Variants in CRYBG3 observed in about 807,000 individuals in gnomAD.
CRYBG3 encodes the protein very large A-kinase anchor protein.
A neutral mutation model predicts 244.2 loss-of-function variants in CRYBG3; 127 were observed. That is an observed-to-expected ratio of 0.52 (90% CI 0.45 to 0.60). The LOEUF is 0.60. Among genes scored for constraint, CRYBG3 ranks in the 20% least tolerant of loss-of-function variants. CRYBG3 has a pLI of 0.00. For missense variants in CRYBG3, 3,325 were observed against 3,442.5 expected, an observed-to-expected ratio of 0.97 and a Z score of 0.85; for synonymous variants, 1,132 against 1,195.8, an observed-to-expected ratio of 0.95 and a Z score of 1.10.
At chr3:97,924,084 T>C (rs969779638) in intron 17 of CRYBG3, 2 of 235,980 alleles carry the variant, frequency 8.5e-6, no homozygotes, top group African/African-American at 4.7e-5. Flanking sequence ...TGGGAATCAG[T>C]ACAAGGAGAG....
intron 7 of CRYBG3, among the ~76,000 whole-genome samples, chr3:97,883,644 T>C (rs577414629): frequency 6.6e-6 from 1 of 152,332 alleles, no homozygotes; most frequent in South Asian, 2.1e-4. Flanking sequence ...CGGAATCATT[T>C]TTTTTTTAGT....
At chr3:97,934,039 A>G (rs2040131886) in intron 18 of CRYBG3, among the ~76,000 whole-genome samples, 1 of 152,120 alleles carries the variant, frequency 6.6e-6, no homozygotes, top group South Asian at 2.1e-4. Context: ...CTTTCTTTTC[A>G]GAAGAAATTT....
At position 97,876,384 on chromosome 3, in the gene CRYBG3, A is replaced by G; in HGVS notation, c.5190A>G (p.Glu1730=). The G allele has an allele frequency of 8.1e-7, 1 of 1,232,162 alleles. No individual in the cohort carries two copies. The highest frequency in any genetic ancestry group is 1.0e-6 in the Non-Finnish European group (1 of 987,992). 76.3% of individuals were successfully genotyped at this position (1,232,162 alleles called of 1,614,324 possible). The change falls in exon 4 of 22, where the codon GAA becomes GAG. Residue 1730 remains glutamate (E), a synonymous_variant. Coordinates refer to ENST00000389622, the MANE Select transcript of CRYBG3 (RefSeq NM_153605.4). ...CTGAAGGGGATATTGGAAAGGCTGA[A>G]GTGATGCCTGTGAGGTTAGAAATGG... ...KDAEGDIGKA[E]VMPVRLEMEN...
rs1478088731 is a variant in CRYBG3, at chr3:97,943,930, A to AT, written c.*620dup. 2.0e-5 allele frequency: 3 copies of AT among 151,938 alleles called. No homozygotes were observed. Among genetic ancestry groups the AT allele is most frequent in the Non-Finnish European group, 4.4e-5 (3 of 67,930 alleles). The allele number at this position is 151,938 out of a possible 1,614,324, so 9.4% of individuals were successfully genotyped here. On this transcript the variant is annotated 3_prime_UTR_variant, in exon 22 of 22. Transcript: ENST00000389622. ...TTGTTAGGAATAAGGCACAAGAAGT[A>AT]TTTTCTGTAGCTATTGTTTCCTCAG... is the stretch of plus-strand genomic sequence containing the variant.
chr3:97,922,663 A>G (rs1332486804), intron 17 of CRYBG3, among the ~76,000 whole-genome samples: 7 of 152,066 alleles, frequency 4.6e-5, no homozygotes, highest in Non-Finnish European at 1.0e-4. Context: ...AGTTAGAATG[A>G]CGATCATTAA....
At chr3:97,927,597 G>A (rs1260051882) in intron 17 of CRYBG3, among the ~76,000 whole-genome samples, 1 of 152,046 alleles carries the variant, frequency 6.6e-6, no homozygotes, top group Non-Finnish European at 1.5e-5. Flanking sequence ...CTTCTGCACA[G>A]CAAAAGAAAC....
intron 7 of CRYBG3, among the ~76,000 whole-genome samples, chr3:97,882,626 C>T (rs1331523233): frequency 6.6e-6 from 1 of 152,094 alleles, no homozygotes; most frequent in African/African-American, 2.4e-5. Flanking sequence ...TGATACAGTA[C>T]AGTTACTCAT....
chr3:97,858,165 GTT>G lies in CRYBG3; in HGVS notation c.217-6038_217-6037del, dbSNP rs71113873. Among the ~76,000 whole-genome samples the G allele has an allele frequency of 3.1e-3, 439 of 139,808 alleles. 9 individuals are homozygous for G. In the East Asian group the frequency reaches 0.061, roughly 19 times the overall value. 91.7% of individuals were successfully genotyped at this position (139,808 alleles called of 152,430 possible). On this transcript the variant is annotated intron_variant, in intron 2 of 21. Transcript: ENST00000389622. ...CTTTGCTGGGTATGTTTTTAGTTGA[GTT>G]TTTTTTTTTTTTTCTTTCGGCAACT...
At position 97,944,302 on chromosome 3, in the gene CRYBG3, C is replaced by T. The variant is rs2040301580; in HGVS notation, c.*988C>T. Reference sequence around the variant, plus strand: ...TAAGTAAAATCAGGTAGGAAATCACCTTTGACTTAGCTTCCAGTAGTCATT... The same window carrying T: ...TAAGTAAAATCAGGTAGGAAATCACTTTTGACTTAGCTTCCAGTAGTCATT... On this transcript the variant is annotated 3_prime_UTR_variant, in exon 22 of 22. Transcript: ENST00000389622. 1 of 152,018 alleles carries T rather than the reference C, an allele frequency of 6.6e-6. No individual in the cohort carries two copies. The highest frequency in any genetic ancestry group is 1.5e-5 in the Non-Finnish European group (1 of 67,890). 9.4% of individuals were successfully genotyped at this position (152,018 alleles called of 1,614,324 possible).
At position 97,899,148 on chromosome 3, in the gene CRYBG3, A is replaced by G. The variant is rs2039674872; in HGVS notation, c.7856A>G (p.Tyr2619Cys). The G allele has an allele frequency of 3.7e-6, 6 of 1,609,994 alleles. No individual in the cohort carries two copies. The highest frequency in any genetic ancestry group is 1.3e-5 in the African/African-American group (1 of 74,626). Reference sequence around the variant, plus strand: ...TTTTTCCCTACTAGATGGGTTGCCTACCAGCAAAAGTTCTTCTGTGGAGAA... The same window carrying G: ...TTTTTCCCTACTAGATGGGTTGCCTGCCAGCAAAAGTTCTTCTGTGGAGAA... ...IHVKSGVWVA[Y>C]QQKFFCGEQY... Residue 2619 changes from tyrosine to cysteine, a missense_variant, in exon 14 of 22, where the codon TAC becomes TGC. Around this residue, in one of 4 missense-constraint regions of CRYBG3, gnomAD observed 714 missense variants for 803.6 expected, o/e 0.89. Transcript: ENST00000389622.
chr3:97,826,895 CT>C (rs2038584892), intron 1 of CRYBG3, among the ~76,000 whole-genome samples: 1 of 152,242 alleles, frequency 6.6e-6, no homozygotes, highest in Admixed American at 6.5e-5. Context: ...TCAGAGCATA[CT>C]TAATGTTTCA....
chr3:97,901,421 T>A (rs1559738154), intron 15 of CRYBG3, among the ~76,000 whole-genome samples: 1 of 152,238 alleles, frequency 6.6e-6, no homozygotes, highest in Non-Finnish European at 1.5e-5. Context: ...TTCATATTCA[T>A]GTCAGTGTTT....
chr3:97,924,460 G>A (rs1318902276), intron 17 of CRYBG3: 2 of 438,238 alleles, frequency 4.6e-6, no homozygotes, highest in East Asian at 7.2e-5. Context: ...ACAAATTACT[G>A]TAAACTTAGT....
intron 17 of CRYBG3, among the ~76,000 whole-genome samples, chr3:97,925,264 C>CA (rs1261896895): frequency 3.3e-5 from 5 of 152,080 alleles, no homozygotes; most frequent in South Asian, 4.1e-4. Flanking sequence ...TGTTAACCCT[C>CA]ACTACTGATC....
At chr3:97,835,917 CAT>C (rs1163556143) in intron 1 of CRYBG3, among the ~76,000 whole-genome samples, 1 of 152,102 alleles carries the variant, frequency 6.6e-6, no homozygotes, top group Non-Finnish European at 1.5e-5. Context: ...GTGAGTCAAA[CAT>C]TCAGAATCTG....
At chr3:97,937,563 CCTT>C (rs2040178261) in intron 19 of CRYBG3, among the ~76,000 whole-genome samples, 1 of 152,070 alleles carries the variant, frequency 6.6e-6, no homozygotes, top group Admixed American at 6.6e-5. Context: ...GCCTCCCCCA[CCTT>C]CTCTCCCAAT....
At chr3:97,853,509 C>G (rs888782501) in intron 2 of CRYBG3, among the ~76,000 whole-genome samples, 1 of 151,926 alleles carries the variant, frequency 6.6e-6, no homozygotes, top group Non-Finnish European at 1.5e-5. Flanking sequence ...AATTGTGCTG[C>G]TATAAACATG....
Position 97,822,411 on chromosome 3 carries a change from G to T in CRYBG3, c.149+56G>T, listed in dbSNP as rs1167479890. The T allele has an allele frequency of 5.8e-6, 8 of 1,383,772 alleles. No homozygotes were observed. In the African/African-American group the frequency reaches 1.1e-4, roughly 18 times the overall value. The allele number at this position is 1,383,772 out of a possible 1,614,324, so 85.7% of individuals were successfully genotyped here. A position where few individuals can be genotyped will look rare whatever the true frequency, so the allele number is the denominator to read the frequency against. On this transcript the variant is annotated intron_variant, in intron 1 of 21. Transcript: ENST00000389622. Reference sequence around the variant, plus strand: ...CCCTGCACATATTCGCGGGATGAAGGCTCCCGGCCTGACCGCCGGCAGCGG... The same window carrying T: ...CCCTGCACATATTCGCGGGATGAAGTCTCCCGGCCTGACCGCCGGCAGCGG...
rs747991615 is a variant in CRYBG3 at position 97,877,866 on chromosome 3, C to G, written c.6672C>G (p.Asp2224Glu). 1.8e-5 allele frequency: 29 copies of G among 1,613,974 alleles called. No homozygotes were observed. Among genetic ancestry groups the G allele is most frequent in the Non-Finnish European group, 2.4e-5 (28 of 1,180,016 alleles). The change falls in exon 4 of 22, where the codon GAC (aspartate) becomes GAG (glutamate). Residue 2224 changes from aspartate (D) to glutamate (E), a missense_variant. Around this residue, in one of 4 missense-constraint regions of CRYBG3, gnomAD observed 450 missense variants for 424.1 expected, o/e 1.06. Transcript: ENST00000389622. ...AGACCTCGTTTCTCCAGAAATCTGACCTTACTTCTAAACTACATTCTTCTT... is the reference window on the plus strand; with the variant it reads ...AGACCTCGTTTCTCCAGAAATCTGAGCTTACTTCTAAACTACATTCTTCTT... Reference protein sequence around the residue: ...PEKTSFLQKSDLTSKLHSSLK... With the variant: ...PEKTSFLQKSELTSKLHSSLK...
Sources: allele counts gnomAD v4.1 joint callset (sites outside exome capture counted in the v4.1 genomes callset), GRCh38; gene constraint gnomAD v4.1.1; regional missense constraint gnomAD v4.1.1; transcripts MANE v1.5; gene names NCBI Gene and HGNC (gene_info 2026-07-23, HGNC 2026-07-21).